The following RGS6 variants were observed in gnomAD, a reference collection of about 807,000 sequenced individuals.
RGS6 encodes the protein regulator of G-protein signaling 6.
In RGS6, 30 loss-of-function variants were observed where a neutral mutation model predicts 78.5. The observed-to-expected ratio is 0.38, with a 90% confidence interval of 0.29 to 0.52. RGS6 has a LOEUF of 0.52. Ranked by LOEUF, RGS6 falls within the 20% of genes least tolerant of loss-of-function variation. The pLI, the probability that RGS6 is intolerant of heterozygous loss-of-function variation, is 0.85. For synonymous variants in RGS6, 206 were observed against 206.0 expected (o/e 1.00, Z 0.00); for missense variants, 495 against 609.7 (o/e 0.81, Z 1.98).
At chr14:71,958,697 C>T (rs1043775065) in intron 1 of RGS6, among the ~76,000 whole-genome samples, 36 of 152,074 alleles carry the variant, frequency 2.4e-4, no homozygotes, top group African/African-American at 8.2e-4. Context: ...CATCAGGCAG[C>T]ATGGGATGGG....
At chr14:72,096,910 C>G (rs560757265) in intron 2 of RGS6, among the ~76,000 whole-genome samples, 33 of 152,344 alleles carry the variant, frequency 2.2e-4, no homozygotes, top group African/African-American at 7.7e-4. Context: ...CCTTCCTTCT[C>G]TTCCCTTGGG....
intron 1 of RGS6, among the ~76,000 whole-genome samples, chr14:71,962,762 G>A (rs536725036): frequency 6.6e-6 from 1 of 152,244 alleles, no homozygotes; most frequent in African/African-American, 2.4e-5. Context: ...TTATTCGAAT[G>A]GGATATTTTC....
chr14:72,360,855 T>C (rs1566624841), intron 3 of RGS6, among the ~76,000 whole-genome samples: 1 of 152,162 alleles, frequency 6.6e-6, no homozygotes, highest in Non-Finnish European at 1.5e-5. Context: ...TCGAGGGAGA[T>C]ACCTGGTAAG....
At position 72,508,921 on chromosome 14, in the gene RGS6, G is replaced by A. The variant is rs139592254; in HGVS notation, c.966-1233G>A. 2.9e-3 allele frequency among the ~76,000 whole-genome samples: 444 copies of A among 152,210 alleles called. 2 individuals are homozygous for A. The highest frequency in any genetic ancestry group is 0.01 in the African/African-American group (432 of 41,520). On this transcript the variant is annotated intron_variant, in intron 13 of 17. Transcript: ENST00000553525. ...CCTTATCACTGTTTAAAGGGCCAAG[G>A]ACATAAATACAGCAAGTGAACTTTA...
intron 2 of RGS6, among the ~76,000 whole-genome samples, chr14:72,303,279 T>G (rs745914827): frequency 6.6e-6 from 1 of 152,120 alleles, no homozygotes; most frequent in Non-Finnish European, 1.5e-5. Context: ...TGCGGGTGGG[T>G]CACCTGAGGT....
chr14:72,402,363 G>T (rs200197203), intron 3 of RGS6, among the ~76,000 whole-genome samples: 2 of 152,130 alleles, frequency 1.3e-5, no homozygotes, highest in Non-Finnish European at 2.9e-5. Context: ...AAGCAACTTC[G>T]CATATATCTT....
chr14:72,557,264 A>G (rs1024970403), intron 17 of RGS6, among the ~76,000 whole-genome samples: 5 of 152,178 alleles, frequency 3.3e-5, no homozygotes, highest in Admixed American at 6.5e-5. Flanking sequence ...TTAAGTGTGG[A>G]TTTTCCCACC....
intron 3 of RGS6, among the ~76,000 whole-genome samples, chr14:72,433,866 G>C (rs1174061310): frequency 6.6e-6 from 1 of 152,224 alleles, no homozygotes; most frequent in African/African-American, 2.4e-5. Context: ...TCAGGTTGCT[G>C]TGCATACAAA....
intron 2 of RGS6, among the ~76,000 whole-genome samples, chr14:71,985,274 C>T (rs1466970023): frequency 6.6e-6 from 1 of 152,110 alleles, no homozygotes; most frequent in Non-Finnish European, 1.5e-5. Context: ...CAGGCATGTG[C>T]CACCATGCCC....
intron 2 of RGS6, among the ~76,000 whole-genome samples, chr14:72,050,506 T>C (rs1425005547): frequency 6.6e-6 from 1 of 152,212 alleles, no homozygotes; most frequent in African/African-American, 2.4e-5. Flanking sequence ...TTCTTCTGTT[T>C]CATAGTGGAT....
At chr14:72,342,563 C>CT (rs767996531) in intron 2 of RGS6, among the ~76,000 whole-genome samples, 1 of 99,126 alleles carries the variant, frequency 1.0e-5, no homozygotes, top group Non-Finnish European at 2.0e-5. Context: ...GAGACTCTGT[C>CT]TTAAAAAAAA....
chr14:72,052,973 CTT>C (rs2093362293), intron 2 of RGS6, among the ~76,000 whole-genome samples: 1 of 46,458 alleles, frequency 2.2e-5, no homozygotes, highest in Non-Finnish European at 3.5e-5. Flanking sequence ...TTCTTTCTTT[CTT>C]TCTTTCTTTC....
intron 3 of RGS6, among the ~76,000 whole-genome samples, chr14:72,383,213 T>C (rs10137247): frequency 0.19 from 22,243 of 118,082 alleles, 3,126 homozygotes; most frequent in East Asian, 0.44. Flanking sequence ...TATATATATA[T>C]ACACACAAAC....
intron 17 of RGS6, among the ~76,000 whole-genome samples, chr14:72,545,673 C>T (rs1357442683): frequency 6.6e-6 from 1 of 152,170 alleles, no homozygotes; most frequent in African/African-American, 2.4e-5. Flanking sequence ...GGGAAATAAA[C>T]TGTGGATAGA....
At chr14:72,573,554 C>T in the RGS6 span, among the ~76,000 whole-genome samples, 6 of 152,190 alleles carry the variant, frequency 3.9e-5, no homozygotes, top group African/African-American at 1.2e-4. Context: ...CCCTGTGTTT[C>T]CTTTGAGCTT....
At chr14:72,037,323 C>A (rs542619827) in intron 2 of RGS6, among the ~76,000 whole-genome samples, 89 of 152,320 alleles carry the variant, frequency 5.8e-4, no homozygotes, top group Non-Finnish European at 1.1e-3. Flanking sequence ...ATAAATCTTG[C>A]TGCTGCTCAC....
At chr14:72,260,639 C>G (rs1327553468) in intron 2 of RGS6, among the ~76,000 whole-genome samples, 1 of 152,130 alleles carries the variant, frequency 6.6e-6, no homozygotes, top group Admixed American at 6.5e-5. Context: ...GAGAGAAGAG[C>G]TCTGATCTAG....
chr14:71,888,418 CAAAAAAAAAA>C, the RGS6 span, among the ~76,000 whole-genome samples: 1 of 143,612 alleles, frequency 7.0e-6, no homozygotes, highest in African/African-American at 2.6e-5. Flanking sequence ...AGCTCTGTCT[CAAAAAAAAAA>C]AAAAAGAAGA....
chr14:72,138,438 C>T (rs921152158), intron 2 of RGS6, among the ~76,000 whole-genome samples: 1 of 148,000 alleles, frequency 6.8e-6, no homozygotes, highest in Admixed American at 6.8e-5. Flanking sequence ...CACTGTAGTG[C>T]ACCTGTACCT....
Sources: gnomAD v4.1 joint callset for allele counts (sites outside exome capture counted in the v4.1 genomes callset) on GRCh38, gnomAD v4.1.1 for gene constraint, MANE v1.5 for transcripts, NCBI Gene and HGNC (gene_info 2026-07-23, HGNC 2026-07-21) for gene names.